The following COL14A1 variants were observed in gnomAD, a reference collection of about 807,000 sequenced individuals.
COL14A1 encodes collagen type XIV alpha 1 chain.
COL14A1 carries 136 observed loss-of-function variants against 230.3 expected under a neutral mutation model. The ratio of observed to expected loss-of-function variants is 0.59; its 90% confidence interval spans 0.51 to 0.68. The LOEUF is 0.68. Among genes scored for constraint, COL14A1 ranks in the 30% least tolerant of loss-of-function variants. The pLI, the probability that COL14A1 is intolerant of heterozygous loss-of-function variation, is 0.00. For synonymous variants in COL14A1, 792 were observed against 784.1 expected, an observed-to-expected ratio of 1.01 and a Z score of -0.17; for missense variants, 1,976 against 2,215.8, an observed-to-expected ratio of 0.89 and a Z score of 2.17.
chr8:120,314,944 G>T (rs1027289454), intron 38 of COL14A1, among the ~76,000 whole-genome samples: 1 of 152,130 alleles, frequency 6.6e-6, no homozygotes, highest in Non-Finnish European at 1.5e-5. Context: ...TGTTCAAGCC[G>T]CCCTGCATGT....
chr8:120,313,964 G>T lies in COL14A1; in HGVS notation c.4488G>T (p.Leu1496=). 1 of 1,612,662 alleles carries T rather than the reference G, an allele frequency of 6.2e-7. No homozygotes were observed. The highest frequency in any genetic ancestry group is 8.5e-7 in the Non-Finnish European group (1 of 1,179,364). Residue 1496 remains leucine (L), a synonymous_variant, in exon 38 of 48, where the codon CTG becomes CTT. Transcript: ENST00000297848. ...GPDGPRGEIG[L]PGPQGPPGPQ... The stretch of plus-strand genomic sequence containing the variant: ...ATGGCCCTCGGGGTGAAATTGGTCT[G>T]CCAGGACCTCAGGGTCCACCTGGAC...
At chr8:120,165,640 T>C (rs1441042170) in intron 4 of COL14A1, among the ~76,000 whole-genome samples, 3 of 152,082 alleles carry the variant, frequency 2.0e-5, no homozygotes, top group African/African-American at 7.3e-5. Context: ...CATATATATC[T>C]TATATGTGAC....
At chr8:120,321,141 A>G (rs1418930556) in intron 40 of COL14A1, among the ~76,000 whole-genome samples, 2 of 152,170 alleles carry the variant, frequency 1.3e-5, no homozygotes, top group Non-Finnish European at 2.9e-5. Context: ...CAGGACTTCA[A>G]CACGGAAGAT....
In COL14A1 at chr8:120,350,239, A is replaced by C. The variant is rs955121240; in HGVS notation, c.5077+4676A>C. ...CCTAAAAGAGCTCCTGAAGGAAGCA[A>C]TAAACATGGAAAGGAACAACCGGTA... On this transcript the variant is annotated intron_variant, in intron 45 of 47. Coordinates refer to ENST00000297848, the MANE Select transcript of COL14A1 (RefSeq NM_021110.4). Among the ~76,000 whole-genome samples, 249 of 152,190 alleles carry C rather than the reference A, an allele frequency of 1.6e-3. 1 individual carries two copies. The highest frequency in any genetic ancestry group is 5.7e-3 in the African/African-American group (235 of 41,484).
At chr8:120,302,072 A>G (rs1439869444) in intron 36 of COL14A1, among the ~76,000 whole-genome samples, 2 of 151,724 alleles carry the variant, frequency 1.3e-5, no homozygotes, top group Admixed American at 6.6e-5. Flanking sequence ...TCTCTTTTTA[A>G]TGGGGTCATT....
At chr8:120,333,204 G>A (rs1306752228) in intron 42 of COL14A1, among the ~76,000 whole-genome samples, 1 of 152,254 alleles carries the variant, frequency 6.6e-6, no homozygotes, top group Non-Finnish European at 1.5e-5. Context: ...GGTGTTATAA[G>A]TGAAAACATA....
chr8:120,283,458 A>G (rs891178729), intron 31 of COL14A1, among the ~76,000 whole-genome samples, 178 bp from the exon 32 acceptor site: 5 of 152,210 alleles, frequency 3.3e-5, no homozygotes, highest in African/African-American at 4.8e-5. Flanking sequence ...AATGATATAA[A>G]TTGGACAAAT....
chr8:120,305,527 A>T (rs954144958), intron 36 of COL14A1, among the ~76,000 whole-genome samples: 2 of 152,078 alleles, frequency 1.3e-5, no homozygotes, highest in Non-Finnish European at 2.9e-5. Context: ...TTGTCTTTAT[A>T]TTTATATTTT....
chr8:120,197,450 C>T (rs1024514316), intron 6 of COL14A1, among the ~76,000 whole-genome samples: 1 of 151,814 alleles, frequency 6.6e-6, no homozygotes, highest in Non-Finnish European at 1.5e-5. Context: ...AACAAAGTCT[C>T]CTAGTTTAAC....
At chr8:120,306,764 G>C (rs1400919105) in intron 36 of COL14A1, among the ~76,000 whole-genome samples, 1 of 152,122 alleles carries the variant, frequency 6.6e-6, no homozygotes, top group Non-Finnish European at 1.5e-5. Flanking sequence ...TTTAGACATG[G>C]TGCCTCTGAC....
intron 4 of COL14A1, among the ~76,000 whole-genome samples, chr8:120,166,908 G>GTA (rs1342991995): frequency 6.7e-6 from 1 of 149,510 alleles, no homozygotes; most frequent in Non-Finnish European, 1.5e-5. Context: ...GTGTGTGTGT[G>GTA]TGTGTGTGTG....
At chr8:120,224,415 G>T (rs1281115261) in intron 14 of COL14A1, among the ~76,000 whole-genome samples, 3 of 152,140 alleles carry the variant, frequency 2.0e-5, no homozygotes, top group South Asian at 2.1e-4. Context: ...TACTGCGGGG[G>T]ATCATTTGGT....
intron 5 of COL14A1, among the ~76,000 whole-genome samples, chr8:120,190,770 T>TG (rs1816796778): frequency 6.6e-6 from 1 of 152,228 alleles, no homozygotes; most frequent in African/African-American, 2.4e-5. Flanking sequence ...GATTTAGTCT[T>TG]GGGAGGGTGT....
chr8:120,340,373 T>C (rs7838078), intron 42 of COL14A1, among the ~76,000 whole-genome samples: 75,386 of 151,974 alleles, frequency 0.5, 19,237 homozygotes, highest in African/African-American at 0.63. Flanking sequence ...ACCTGCACAC[T>C]GTGGGATGAA....
At chr8:120,308,084 C>T (rs1206086419) in intron 36 of COL14A1, among the ~76,000 whole-genome samples, 4 of 152,184 alleles carry the variant, frequency 2.6e-5, no homozygotes, top group African/African-American at 4.8e-5. Context: ...TGGGTTTAAG[C>T]GATTCTCCTG....
intron 8 of COL14A1, among the ~76,000 whole-genome samples, chr8:120,202,734 C>A (rs1817290462): frequency 1.3e-5 from 2 of 151,798 alleles, no homozygotes; most frequent in Admixed American, 1.3e-4. Flanking sequence ...TGCTTGGGGG[C>A]ACAGTGATCA....
intron 5 of COL14A1, among the ~76,000 whole-genome samples, chr8:120,175,998 T>A (rs754376146): frequency 7.9e-5 from 12 of 152,230 alleles, no homozygotes; most frequent in South Asian, 6.2e-4. Flanking sequence ...CAGGAGTTAG[T>A]TGTGAAGATT....
rs747795609 is a variant in COL14A1 at position 120,227,223 on chromosome 8, G to T, written c.2008G>T (p.Val670Phe). Residue 670 changes from valine (V) to phenylalanine (F), a missense_variant, in exon 17 of 48, where the codon GTC becomes TTC. Coordinates refer to ENST00000297848, the MANE Select transcript of COL14A1 (RefSeq NM_021110.4). ...PVYGGKTEEV[V>F]LKEEQDSHVI... ...TAAGCACCAAAATATATTTCAGGTT[G>T]TCCTGAAAGAAGAGCAGGACTCACA... The T allele has an allele frequency of 6.2e-7, 1 of 1,613,278 alleles. No individual in the cohort carries two copies. The highest frequency in any genetic ancestry group is 1.1e-5 in the South Asian group (1 of 90,930).
chr8:120,347,446 T>A (rs1822558100), intron 45 of COL14A1, among the ~76,000 whole-genome samples: 1 of 152,230 alleles, frequency 6.6e-6, no homozygotes, highest in South Asian at 2.1e-4. Flanking sequence ...TTGAAGGGTG[T>A]GATTTTGCGA....
Sources: allele counts gnomAD v4.1 joint callset (sites outside exome capture counted in the v4.1 genomes callset), GRCh38; gene constraint gnomAD v4.1.1; transcripts MANE v1.5; gene names NCBI Gene and HGNC (gene_info 2026-07-23, HGNC 2026-07-21).